Variants in PIP4K2B observed in about 807,000 individuals in gnomAD.
PIP4K2B encodes phosphatidylinositol-5-phosphate 4-kinase type 2 beta, also known as phosphatidylinositol 5-phosphate 4-kinase type-2 beta.
PIP4K2B carries 3 observed loss-of-function variants against 42.0 expected under a neutral mutation model. That is an observed-to-expected ratio of 0.07 (90% CI 0.03 to 0.18). The LOEUF (loss-of-function observed/expected upper bound fraction) is 0.18, where lower values mean the gene tolerates loss of function less well. Ranked by LOEUF, PIP4K2B falls within the 10% of genes least tolerant of loss-of-function variation. The pLI is 1.00. For synonymous variants in PIP4K2B, 204 were observed against 210.1 expected (o/e 0.97, Z 0.25); for missense variants, 332 against 562.3 (o/e 0.59, Z 4.14).
At chr17:38,786,734 GGCTCCCACCATGCAT>G in intron 2 of PIP4K2B, 74 bp downstream of exon 2, 1 of 835,450 alleles carries the variant, frequency 1.2e-6, no homozygotes, top group South Asian at 1.4e-5. Context: ...GTGCTGCCTT[GGCTCCCACCATGCAT>G]GAGGCTTCAG....
chr17:38,785,834 A>G (rs915214346), intron 2 of PIP4K2B, among the ~76,000 whole-genome samples: 11 of 152,346 alleles, frequency 7.2e-5, no homozygotes, highest in African/African-American at 2.6e-4. Context: ...TGAAGGGGGT[A>G]GTGGTGCAAT....
chr17:38,783,132 T>C (rs1909801341), intron 3 of PIP4K2B, among the ~76,000 whole-genome samples: 2 of 137,788 alleles, frequency 1.5e-5, no homozygotes, highest in Non-Finnish European at 3.0e-5. Context: ...GAGGCAGAGG[T>C]TGCAGTGAGC....
intron 5 of PIP4K2B, 57 bp downstream of exon 5, chr17:38,779,324 GCC>G: frequency 1.3e-6 from 2 of 1,517,220 alleles, no homozygotes; most frequent in Non-Finnish European, 9.1e-7. Context: ...TGGAGTAGTG[GCC>G]CCTTCGGGGC....
intron 7 of PIP4K2B, among the ~76,000 whole-genome samples, chr17:38,773,705 C>G (rs915051283): frequency 3.3e-5 from 5 of 151,990 alleles, no homozygotes; most frequent in Admixed American, 6.6e-5. Context: ...GGACAAGGAG[C>G]CCTAAAGATG....
intron 4 of PIP4K2B, chr17:38,779,894 A>G: frequency 4.2e-6 from 1 of 238,916 alleles, no homozygotes; most frequent in Non-Finnish European, 8.2e-6. Flanking sequence ...TGCCGCAGGG[A>G]AGAGACAGGA....
chr17:38,793,859 G>A (rs1158975953), intron 1 of PIP4K2B, among the ~76,000 whole-genome samples: 6 of 150,714 alleles, frequency 4.0e-5, no homozygotes, highest in Non-Finnish European at 5.9e-5. Flanking sequence ...GCAAGAGCGC[G>A]AGACCCTGCC....
chr17:38,795,741 ACT>A (rs1910622149), intron 1 of PIP4K2B, among the ~76,000 whole-genome samples: 1 of 150,400 alleles, frequency 6.6e-6, no homozygotes, highest in Non-Finnish European at 1.5e-5. Context: ...ACAGAGCAAG[ACT>A]CTGTCTCAAG....
chr17:38,787,268 C>T (rs1180044915), intron 1 of PIP4K2B, among the ~76,000 whole-genome samples: 1 of 152,220 alleles, frequency 6.6e-6, no homozygotes, highest in Non-Finnish European at 1.5e-5. Context: ...CAGACTTGGC[C>T]TCCCAAATTA....
chr17:38,771,403 G>T, intron 7 of PIP4K2B, 131 bp from the exon 8 acceptor site: 1 of 1,076,992 alleles, frequency 9.3e-7, no homozygotes, highest in Non-Finnish European at 1.3e-6. Context: ...TCAACAGAGA[G>T]TAAGGCATCA....
At chr17:38,784,572 G>A (rs1282662302) in intron 2 of PIP4K2B, among the ~76,000 whole-genome samples, 3 of 152,040 alleles carry the variant, frequency 2.0e-5, no homozygotes, top group Non-Finnish European at 4.4e-5. Flanking sequence ...TTCAAAGTGT[G>A]GTCCACAGAT....
At position 38,786,912 on chromosome 17, in the gene PIP4K2B, C is replaced by A; in HGVS notation, c.168G>T (p.Glu56Asp). ...LMWGVNHTIN[E>D]LSNVPVPVML... ...TGACAGGAACAGGAACATTGCTCAG[C>A]TCATTGATCTGAAAAGCAAGGAGAA... The change falls in exon 2 of 10, where the codon GAG becomes GAT. Residue 56 changes from glutamate to aspartate, a missense_variant. Glu to Asp is a conservative substitution (Grantham distance 45). Coordinates refer to ENST00000619039, the MANE Select transcript of PIP4K2B (RefSeq NM_003559.5). 6.2e-7 allele frequency: 1 copy of A among 1,609,668 alleles called. No individual in the cohort carries two copies. Among genetic ancestry groups the A allele is most frequent in the Non-Finnish European group, 8.5e-7 (1 of 1,175,922 alleles).
In PIP4K2B at chr17:38,768,686, G is replaced by A. The variant is rs1476457854; in HGVS notation, c.*1005C>T. On this transcript the variant is annotated 3_prime_UTR_variant, in exon 10 of 10. Coordinates refer to ENST00000619039, the MANE Select transcript of PIP4K2B (RefSeq NM_003559.5). ...CGGCTAGAAGTAAGAGTGCCTGGGAGGAGGTCAGAAGGAAGAAGGAAATAG... is the reference window on the plus strand; with the variant it reads ...CGGCTAGAAGTAAGAGTGCCTGGGAAGAGGTCAGAAGGAAGAAGGAAATAG... 6.6e-6 allele frequency: 1 copy of A among 152,240 alleles called. No homozygotes were observed. The highest frequency in any genetic ancestry group is 1.9e-4 in the East Asian group (1 of 5,202). The allele number at this position is 152,240 out of a possible 1,614,324, so 9.4% of individuals were successfully genotyped here.
At chr17:38,790,485 G>C (rs1385746541) in intron 1 of PIP4K2B, among the ~76,000 whole-genome samples, 1 of 152,220 alleles carries the variant, frequency 6.6e-6, no homozygotes, top group Non-Finnish European at 1.5e-5. Flanking sequence ...AGAAGATCGA[G>C]TCTTGCTCTG....
In PIP4K2B at chr17:38,786,818, C is replaced by T; in HGVS notation, c.257+5G>A. ...AAACCTGAGTCCACTCAGTAGACAA[C>T]TTACTTATTGAAGAGATGATTGTCC... On this transcript the variant is annotated splice_donor_5th_base_variant and intron_variant, in intron 2 of 9. Coordinates refer to ENST00000619039, the MANE Select transcript of PIP4K2B (RefSeq NM_003559.5). 1 of 1,586,740 alleles carries T rather than the reference C, an allele frequency of 6.3e-7. No individual in the cohort carries two copies. Among genetic ancestry groups the T allele is most frequent in the Non-Finnish European group, 8.7e-7 (1 of 1,155,076 alleles).
chr17:38,774,642 C>T (rs1332394065), intron 7 of PIP4K2B, among the ~76,000 whole-genome samples: 5 of 151,696 alleles, frequency 3.3e-5, no homozygotes, highest in East Asian at 3.9e-4. Flanking sequence ...TGGTGGTGGG[C>T]GCCTGTAGTC....
chr17:38,771,114 T>C lies in PIP4K2B; in HGVS notation c.966A>G (p.Thr322=), dbSNP rs1909007749. Residue 322 remains threonine (T), a synonymous_variant, in exon 8 of 10, where the codon ACA becomes ACG. Coordinates refer to ENST00000619039, the MANE Select transcript of PIP4K2B (RefSeq NM_003559.5). The stretch of plus-strand genomic sequence containing the variant: ...GGAGGTTGCCAGGGCTGTCCGGAGG[T>C]GTGCCATAGGAGCAGAGTAGGTTGC... ...VGGNLLCSYG[T]PPDSPGNLLS... is the part of the protein sequence containing the mutation. 6.2e-7 allele frequency: 1 copy of C among 1,613,790 alleles called. No individual in the cohort carries two copies. Among genetic ancestry groups the C allele is most frequent in the East Asian group, 2.2e-5 (1 of 44,860 alleles).
rs144917475 is a variant in PIP4K2B, at chr17:38,774,940, TTGTG to T, written c.807+2743_807+2746del. Among the ~76,000 whole-genome samples, 40 of 149,600 alleles carry T rather than the reference TTGTG, an allele frequency of 2.7e-4. No individual in the cohort carries two copies. The East Asian group carries it at 7.3e-3, about 27-fold the overall frequency. ...CATACAATGGAATATTAATCAGTTT[TTGTG>T]TGTGTGTGTGTGTGTGTGTTTTTGA... On this transcript the variant is annotated intron_variant, in intron 7 of 9. Transcript: ENST00000619039.
In PIP4K2B at chr17:38,799,211, G is replaced by C. The variant is rs1910819884; in HGVS notation, c.159+55C>G. On this transcript the variant is annotated intron_variant, in intron 1 of 9. Coordinates refer to ENST00000619039, the MANE Select transcript of PIP4K2B (RefSeq NM_003559.5). This position sits in a 1 kb window ranked among gnomAD's most constrained non-coding sequence, Gnocchi z 4.4. ...TGCGGGGCAAGGGCCCAGGGCTGCA[G>C]GGGGCGTGGGAGCGCGCGGGGCCGC... The C allele has an allele frequency of 1.3e-6, 2 of 1,515,830 alleles. No homozygotes were observed. The highest frequency in any genetic ancestry group is 2.9e-5 in the African/African-American group (2 of 69,960). 93.9% of individuals were successfully genotyped at this position (1,515,830 alleles called of 1,614,324 possible).
intron 7 of PIP4K2B, among the ~76,000 whole-genome samples, chr17:38,777,152 C>G (rs2143362841): frequency 6.6e-6 from 1 of 152,328 alleles, no homozygotes; most frequent in East Asian, 1.9e-4. Context: ...GCAGCCTCAT[C>G]TCCCGGGCTC....
Sources: gnomAD v4.1 joint callset for allele counts (sites outside exome capture counted in the v4.1 genomes callset) on GRCh38, gnomAD v4.1.1 for gene constraint, Gnocchi (gnomAD v3.1) non-coding constraint, MANE v1.5 for transcripts, NCBI Gene and HGNC (gene_info 2026-07-23, HGNC 2026-07-21) for gene names.